The following SRRM4 variants were observed in gnomAD, a reference collection of about 807,000 sequenced individuals.
SRRM4 encodes the protein serine/arginine repetitive matrix 4.
SRRM4 carries 33 observed loss-of-function variants against 68.9 expected under a neutral mutation model. The ratio of observed to expected loss-of-function variants is 0.48; its 90% CI spans 0.36 to 0.64. SRRM4 has a LOEUF of 0.64. Among genes scored for constraint, SRRM4 ranks in the 30% least tolerant of loss-of-function variants. The pLI is 0.00. For missense variants in SRRM4, 817 were observed against 827.1 expected, an observed-to-expected ratio of 0.99 and a Z score of 0.15; for synonymous variants, 318 against 318.8, an observed-to-expected ratio of 1.00 and a Z score of 0.03.
intron 1 of SRRM4, among the ~76,000 whole-genome samples, chr12:119,075,440 GTGATGATGATGGTGATGATGGTGA>G (rs1156368591): frequency 0.022 from 698 of 31,588 alleles, 5 homozygotes; most frequent in African/African-American, 0.083. Flanking sequence ...GATGATGATG[GTGATGATGATGGTGATGATGGTGA>G]TGATGATGGT....
At chr12:119,121,257 GA>G (rs1954217775) in intron 5 of SRRM4, among the ~76,000 whole-genome samples, 1 of 152,136 alleles carries the variant, frequency 6.6e-6, no homozygotes. Flanking sequence ...ATAGTTAGAT[GA>G]AATAAAATTG....
intron 1 of SRRM4, among the ~76,000 whole-genome samples, chr12:119,066,897 A>G (rs1235017437): frequency 1.3e-5 from 2 of 152,188 alleles, no homozygotes; most frequent in African/African-American, 2.4e-5. Flanking sequence ...TTATGTGCAC[A>G]CACACATCCA....
chr12:119,072,344 C>T (rs1176483992), intron 1 of SRRM4, among the ~76,000 whole-genome samples: 1 of 152,128 alleles, frequency 6.6e-6, no homozygotes, highest in Non-Finnish European at 1.5e-5. Flanking sequence ...CTAAAAATAG[C>T]CCCTTCCTCT....
chr12:119,087,106 CCTT>C (rs1054471301), intron 1 of SRRM4, among the ~76,000 whole-genome samples: 17 of 152,264 alleles, frequency 1.1e-4, no homozygotes, highest in African/African-American at 3.9e-4. Context: ...GGTTCAAATT[CCTT>C]CTCTACCACC....
chr12:119,131,593 T>A (rs1954298552), intron 8 of SRRM4, among the ~76,000 whole-genome samples: 2 of 152,222 alleles, frequency 1.3e-5, no homozygotes, highest in African/African-American at 4.8e-5. Flanking sequence ...TTTGACACCA[T>A]GAGCAAGAGA....
chr12:119,085,857 A>C (rs1953976826), intron 1 of SRRM4, among the ~76,000 whole-genome samples: 1 of 152,032 alleles, frequency 6.6e-6, no homozygotes, highest in Non-Finnish European at 1.5e-5. Flanking sequence ...AAAGTGAGAG[A>C]AAGAGGATGG....
At chr12:118,995,556 G>T (rs144004260) in intron 1 of SRRM4, among the ~76,000 whole-genome samples, 199 of 152,286 alleles carry the variant, frequency 1.3e-3, no homozygotes, top group African/African-American at 4.6e-3. Context: ...TCTATTTTGG[G>T]ACTTGCCAAT....
rs769704404 is a variant in SRRM4, at chr12:119,151,012, T to C, written c.1077-5T>C. The C allele has an allele frequency of 6.8e-6, 11 of 1,613,606 alleles. No homozygotes were observed. Among genetic ancestry groups the C allele is most frequent in the African/African-American group, 4.0e-5 (3 of 74,904 alleles). On this transcript the variant is annotated splice_region_variant and splice_polypyrimidine_tract_variant and intron_variant, in intron 9 of 12. Transcript: ENST00000267260. Reference sequence around the variant, plus strand: ...CGGTGCTCATGGACATTTTCCCACCTGCAGGGGATTTCAGTCACCGTGTCT... The same window carrying C: ...CGGTGCTCATGGACATTTTCCCACCCGCAGGGGATTTCAGTCACCGTGTCT...
chr12:119,153,681 C>T (rs1228360796), intron 11 of SRRM4, 32 bp downstream of exon 11: 7 of 1,479,268 alleles, frequency 4.7e-6, no homozygotes, highest in Non-Finnish European at 6.4e-6. Context: ...CTAGGCCCGT[C>T]CTAGGCCCCA....
At chr12:118,985,137 G>A (rs1456947767) in intron 1 of SRRM4, among the ~76,000 whole-genome samples, 1 of 152,110 alleles carries the variant, frequency 6.6e-6, no homozygotes, top group African/African-American at 2.4e-5. Context: ...AAGTAATGCT[G>A]ACCATTTTTA....
chr12:119,017,676 G>A (rs4767758), intron 1 of SRRM4, among the ~76,000 whole-genome samples: 2 of 152,156 alleles, frequency 1.3e-5, no homozygotes, highest in South Asian at 2.1e-4. Context: ...AGTCCATTGC[G>A]GGGGCAGTCG....
In SRRM4 at chr12:119,156,720, G is replaced by A. The variant is rs1479757534; in HGVS notation, c.1758G>A (p.Arg586=). ...SPGSRSRSRS[R]SRSRSRSRSQ... ...GCTCCCGCAGCCGGAGCCGGAGCAGGAGCCGGAGCCGGAGCCGGAGCAGGA... is the reference window on the plus strand; with the variant it reads ...GCTCCCGCAGCCGGAGCCGGAGCAGAAGCCGGAGCCGGAGCCGGAGCAGGA... The change falls in exon 13 of 13, where the codon AGG becomes AGA. Residue 586 remains arginine, a synonymous_variant. Coordinates refer to ENST00000267260, the MANE Select transcript of SRRM4 (RefSeq NM_194286.4). The A allele has an allele frequency of 6.5e-7, 1 of 1,544,844 alleles. No homozygotes were observed. Among genetic ancestry groups the A allele is most frequent in the South Asian group, 1.2e-5 (1 of 83,886 alleles).
intron 1 of SRRM4, among the ~76,000 whole-genome samples, chr12:119,003,332 G>A (rs1185820781): frequency 6.6e-6 from 1 of 151,752 alleles, no homozygotes; most frequent in Admixed American, 6.6e-5. Flanking sequence ...AGCCTTCACA[G>A]CTTCCGGCAT....
rs1327866959 is a variant in SRRM4, at chr12:119,159,967, G to A, written c.*3169G>A. ...TCATTTCCAAACCCATCCTGGAAGGGCCCAGGATCCAAAGGTCATCAGTCC... is the reference window on the plus strand; with the variant it reads ...TCATTTCCAAACCCATCCTGGAAGGACCCAGGATCCAAAGGTCATCAGTCC... On this transcript the variant is annotated 3_prime_UTR_variant, in exon 13 of 13. Transcript: ENST00000267260. The A allele has an allele frequency of 6.6e-6, 1 of 151,942 alleles. No individual in the cohort carries two copies. The highest frequency in any genetic ancestry group is 1.5e-5 in the Non-Finnish European group (1 of 68,004). 9.4% of individuals were successfully genotyped at this position (151,942 alleles called of 1,614,324 possible).
intron 7 of SRRM4, among the ~76,000 whole-genome samples, 172 bp downstream of exon 7, chr12:119,125,651 G>A (rs1954253930): frequency 6.6e-6 from 1 of 151,588 alleles, no homozygotes; most frequent in Non-Finnish European, 1.5e-5. Context: ...CCTGGGTGCG[G>A]TGGCTCACGC....
intron 1 of SRRM4, among the ~76,000 whole-genome samples, chr12:119,043,149 T>C (rs1462592818): frequency 2.6e-5 from 4 of 152,190 alleles, no homozygotes; most frequent in Non-Finnish European, 5.9e-5. Context: ...CAAATGCCCA[T>C]CAATGATAGA....
chr12:119,119,573 C>G (rs892279422), intron 4 of SRRM4, among the ~76,000 whole-genome samples: 9 of 151,958 alleles, frequency 5.9e-5, no homozygotes, highest in Non-Finnish European at 1.3e-4. Flanking sequence ...CTGTTTGACT[C>G]TGAGCAACTT....
Position 119,153,560 on chromosome 12 carries a change from C to A in SRRM4, c.1302C>A (p.Ser434Arg). ...SEKRSYSRSP[S>R]YSSKSGKRSP... Reference sequence around the variant, plus strand: ...CCAGGTCCTACTCCCGCTCTCCCAGCTATTCCTCCAAGTCTGGCAAGAGGA... The same window carrying A: ...CCAGGTCCTACTCCCGCTCTCCCAGATATTCCTCCAAGTCTGGCAAGAGGA... Residue 434 changes from serine to arginine, a missense_variant, in exon 11 of 13, where the codon AGC (serine) becomes AGA (arginine). Physicochemically the swap from Ser to Arg is moderately radical, Grantham distance 110. Coordinates refer to ENST00000267260, the MANE Select transcript of SRRM4 (RefSeq NM_194286.4). 1 of 1,574,356 alleles carries A rather than the reference C, an allele frequency of 6.4e-7. No individual in the cohort carries two copies. Among genetic ancestry groups the A allele is most frequent in the Admixed American group, 1.8e-5 (1 of 54,810 alleles).
Position 119,143,018 on chromosome 12 carries a change from T to A in SRRM4, c.772-2363T>A, listed in dbSNP as rs73213431. On this transcript the variant is annotated intron_variant, in intron 8 of 12. Transcript: ENST00000267260. ...AGAGCAACCTTATTTTGAGGTCCCT[T>A]CTCCCAAAGCAAAGCTATCCAGTGT... Among the ~76,000 whole-genome samples, 694 of 152,284 alleles carry A rather than the reference T, an allele frequency of 4.6e-3. 6 individuals are homozygous for A. Among genetic ancestry groups the A allele is most frequent in the Non-Finnish European group, 6.6e-3 (451 of 68,022 alleles).
Sources: allele counts gnomAD v4.1 joint callset (sites outside exome capture counted in the v4.1 genomes callset), GRCh38; gene constraint gnomAD v4.1.1; transcripts MANE v1.5; gene names NCBI Gene and HGNC (gene_info 2026-07-23, HGNC 2026-07-21).